The following GAPVD1 variants were observed in gnomAD, a reference collection of about 807,000 sequenced individuals.
GAPVD1 encodes GTPase-activating protein and VPS9 domain-containing protein 1.
In GAPVD1, 35 loss-of-function variants were observed where a neutral mutation model predicts 155.5. The observed-to-expected ratio is 0.23, with a 90% CI of 0.17 to 0.30. The LOEUF (loss-of-function observed/expected upper bound fraction) is 0.30, where lower values mean the gene tolerates loss of function less well. Ranked by LOEUF, GAPVD1 falls within the 10% of genes least tolerant of loss-of-function variation. The pLI is 1.00. For synonymous variants in GAPVD1, 636 were observed against 619.7 expected (o/e 1.03, Z -0.39); for missense variants, 1,429 against 1,775.7 (o/e 0.80, Z 3.51).
chr9:125,356,073 T>C (rs1235169136), intron 25 of GAPVD1, among the ~76,000 whole-genome samples: 1 of 152,208 alleles, frequency 6.6e-6, no homozygotes, highest in Admixed American at 6.5e-5. Context: ...GAAATTGGTA[T>C]AGCCTCTTTG....
chr9:125,320,835 C>T (rs1844221325), intron 9 of GAPVD1, among the ~76,000 whole-genome samples: 1 of 152,044 alleles, frequency 6.6e-6, no homozygotes, highest in South Asian at 2.1e-4. Context: ...ACCATGTTAG[C>T]CAGCATGGTC....
In GAPVD1 at chr9:125,306,388, G is replaced by T. The variant is rs373366176; in HGVS notation, c.1117-1025G>T. ...CTTCTAGAGGTCCATATGTTTACAG[G>T]CAAATTCCTACGTACACTATATACT... is the stretch of plus-strand genomic sequence containing the variant. On this transcript the variant is annotated intron_variant, in intron 6 of 27. Coordinates refer to ENST00000297933, the MANE Select transcript of GAPVD1 (RefSeq NM_001282680.3). Among the ~76,000 whole-genome samples, 18 of 152,150 alleles carry T rather than the reference G, an allele frequency of 1.2e-4. 1 individual carries two copies. In the South Asian group the frequency reaches 3.1e-3, roughly 26 times the overall value.
intron 24 of GAPVD1, 51 bp from the exon 25 acceptor site, chr9:125,355,593 A>ATT (rs775092082): frequency 5.6e-6 from 6 of 1,079,810 alleles, no homozygotes; most frequent in Admixed American, 4.6e-5. Flanking sequence ...TTTTAAAATT[A>ATT]TTTAGATAGT....
intron 2 of GAPVD1, among the ~76,000 whole-genome samples, chr9:125,270,956 T>TA (rs1304582923): frequency 2.6e-5 from 4 of 151,476 alleles, no homozygotes; most frequent in Non-Finnish European, 5.9e-5. Flanking sequence ...TCTCAAAAAA[T>TA]AAAAAAGAAT....
intron 8 of GAPVD1, chr9:125,309,798 T>C: frequency 4.6e-6 from 1 of 216,044 alleles, no homozygotes; most frequent in Non-Finnish European, 1.1e-5. Context: ...GGAAAGTGAA[T>C]TTCAAATGTA....
At chr9:125,293,954 C>A (rs1167924979) in intron 2 of GAPVD1, among the ~76,000 whole-genome samples, 1 of 138,626 alleles carries the variant, frequency 7.2e-6, no homozygotes, top group African/African-American at 2.7e-5. Flanking sequence ...CACTCTGTTG[C>A]CAGTCTGGAG....
intron 2 of GAPVD1, among the ~76,000 whole-genome samples, chr9:125,291,538 G>A (rs1175871408): frequency 1.3e-5 from 2 of 152,144 alleles, no homozygotes; most frequent in African/African-American, 2.4e-5. Context: ...TGGCTTGAAA[G>A]TCTTGTTGTG....
intron 1 of GAPVD1, among the ~76,000 whole-genome samples, chr9:125,266,356 CAGGCTG>C (rs1159225519): frequency 6.6e-6 from 1 of 151,800 alleles, no homozygotes; most frequent in Admixed American, 6.6e-5. Context: ...CTCTGTCGCC[CAGGCTG>C]GAGTGCAGTG....
At chr9:125,356,684 T>C (rs1461453850) in intron 25 of GAPVD1, among the ~76,000 whole-genome samples, 1 of 152,070 alleles carries the variant, frequency 6.6e-6, no homozygotes, top group Non-Finnish European at 1.5e-5. Context: ...TTTTTATTTA[T>C]TTATTTAGAC....
intron 8 of GAPVD1, among the ~76,000 whole-genome samples, chr9:125,310,537 ATTTTT>A (rs10616987): frequency 8.2e-6 from 1 of 122,256 alleles, no homozygotes. Context: ...TTTTTTCTTG[ATTTTT>A]TTTTTTTTTT....
chr9:125,302,040 A>G lies in GAPVD1; in HGVS notation c.243A>G (p.Gln81=), dbSNP rs772562389. Residue 81 remains glutamine, a synonymous_variant, in exon 5 of 28, where the codon CAA becomes CAG. Transcript: ENST00000297933. ...ATGCCAAAATTTTGGAAGATACACA[A>G]TTTGTTGATGGGTATAAGCAATTGG... ...CQHAKILEDT[Q]FVDGYKQLGF... 12 of 1,609,588 alleles carry G rather than the reference A, an allele frequency of 7.5e-6. No homozygotes were observed. Among genetic ancestry groups the G allele is most frequent in the South Asian group, 6.7e-5 (6 of 90,024 alleles).
intron 2 of GAPVD1, among the ~76,000 whole-genome samples, chr9:125,270,001 C>T (rs1334493246): frequency 6.6e-6 from 1 of 151,934 alleles, no homozygotes; most frequent in African/African-American, 2.4e-5. Flanking sequence ...TAGGTGCAAG[C>T]CACCATGCTT....
At chr9:125,331,392 G>A (rs577048385) in intron 13 of GAPVD1, among the ~76,000 whole-genome samples, 51 of 152,186 alleles carry the variant, frequency 3.4e-4, no homozygotes, top group African/African-American at 1.1e-3. Flanking sequence ...GTAGAGATGG[G>A]ATTTCACCGT....
rs1841046684 is a variant in GAPVD1, at chr9:125,302,412, G to A, written c.615G>A (p.Met205Ile). 1 of 1,613,722 alleles carries A rather than the reference G, an allele frequency of 6.2e-7. No individual in the cohort carries two copies. The highest frequency in any genetic ancestry group is 8.5e-7 in the Non-Finnish European group (1 of 1,179,868). The change falls in exon 5 of 28, where the codon ATG becomes ATA. Residue 205 changes from methionine to isoleucine, a missense_variant. Physicochemically the swap from Met to Ile is conservative, Grantham distance 10. This residue lies in a region of GAPVD1 where 628 missense variants were observed against 733.4 expected (regional missense o/e 0.86). Transcript: ENST00000297933. ...CAGCCACTTTACATGAGCCAATTAT[G>A]CAACTGCTTGTTGAAGATGAAGATC... ...FLTATLHEPI[M>I]QLLVEDEDHL...
chr9:125,349,594 A>T, intron 21 of GAPVD1, 75 bp downstream of exon 21: 1 of 1,281,704 alleles, frequency 7.8e-7, no homozygotes, highest in Non-Finnish European at 1.1e-6. Flanking sequence ...AAGTCAAGTG[A>T]TGTTTTGAGT....
At chr9:125,321,891 G>A (rs1023070647) in intron 10 of GAPVD1, among the ~76,000 whole-genome samples, 3 of 152,126 alleles carry the variant, frequency 2.0e-5, no homozygotes, top group East Asian at 3.9e-4. Flanking sequence ...ATGTCGAAAC[G>A]GGAAAAAATG....
In GAPVD1 at chr9:125,323,670, T is replaced by G. The variant is rs1385450952; in HGVS notation, c.1733-128T>G. On this transcript the variant is annotated intron_variant, in intron 10 of 27. Coordinates refer to ENST00000297933, the MANE Select transcript of GAPVD1 (RefSeq NM_001282680.3). ...GCAGAATTTCTCAAAGGGCATGTGT[T>G]TTTTTAAGGTATAAAAAGTATTAAA... 4.7e-6 allele frequency: 4 copies of G among 855,774 alleles called. No individual in the cohort carries two copies. The African/African-American group carries it at 6.8e-5, about 15-fold the overall frequency. The allele number at this position is 855,774 out of a possible 1,614,324, so 53.0% of individuals were successfully genotyped here.
At chr9:125,323,369 G>A (rs905569804) in intron 10 of GAPVD1, among the ~76,000 whole-genome samples, 5 of 152,054 alleles carry the variant, frequency 3.3e-5, no homozygotes, top group Non-Finnish European at 7.4e-5. Flanking sequence ...GCAGTGGCGC[G>A]ATCTCGGCCC....
Position 125,337,207 on chromosome 9 carries a change from T to C in GAPVD1, c.2507-14T>C. On this transcript the variant is annotated splice_polypyrimidine_tract_variant and intron_variant, in intron 16 of 27. Transcript: ENST00000297933. ...TTGTGTCTCAGTTACAAAACTTTTT[T>C]TCCTGTGTTGCAGGGGCTTCTGCTG... 2 of 1,612,588 alleles carry C rather than the reference T, an allele frequency of 1.2e-6. No individual in the cohort carries two copies. Among genetic ancestry groups the C allele is most frequent in the Non-Finnish European group, 1.7e-6 (2 of 1,179,052 alleles).
Sources: gnomAD v4.1 joint callset for allele counts (sites outside exome capture counted in the v4.1 genomes callset) on GRCh38, gnomAD v4.1.1 for gene constraint, gnomAD v4.1.1 regional missense constraint, MANE v1.5 for transcripts, NCBI Gene and HGNC (gene_info 2026-07-23, HGNC 2026-07-21) for gene names.